The following LRRK2 variants were observed in gnomAD, a reference collection of about 807,000 sequenced individuals.
LRRK2 encodes the protein leucine-rich repeat serine/threonine-protein kinase 2.
LRRK2 carries 203 observed loss-of-function variants against 302.6 expected under a neutral mutation model. The observed-to-expected ratio is 0.67, with a 90% CI of 0.60 to 0.75. LRRK2 has a LOEUF of 0.75. LRRK2 is among the 30% of genes least tolerant of loss of function. The probability of loss-of-function intolerance (pLI) is 0.00; values close to 1 mark genes in which losing one functional copy is unlikely to be tolerated. For missense variants in LRRK2, 2,830 were observed against 2,951.0 expected, an observed-to-expected ratio of 0.96 and a Z score of 0.95; for synonymous variants, 1,066 against 1,031.9, an observed-to-expected ratio of 1.03 and a Z score of -0.63.
chr12:40,274,770 G>A, intron 15 of LRRK2, 43 bp downstream of exon 15: 12 of 1,612,672 alleles, frequency 7.4e-6, no homozygotes, highest in Non-Finnish European at 9.3e-6. Context: ...GATTTTTGTA[G>A]GGCATTAGCT....
intron 28 of LRRK2, among the ~76,000 whole-genome samples, chr12:40,307,166 A>G (rs548864554): frequency 1.8e-4 from 27 of 152,130 alleles, no homozygotes; most frequent in African/African-American, 6.5e-4. Flanking sequence ...TTTTTGAAGA[A>G]AGACATTTTT....
In LRRK2 at chr12:40,303,938, A is replaced by G; in HGVS notation, c.3591-10A>G. 6.2e-7 allele frequency: 1 copy of G among 1,613,078 alleles called. No individual in the cohort carries two copies. ...CATTTGGTTTATGTCTTTTCTGTGTATTGTTTTAGCTTGCGGTCTTTAGAT... is the reference window on the plus strand; with the variant it reads ...CATTTGGTTTATGTCTTTTCTGTGTGTTGTTTTAGCTTGCGGTCTTTAGAT... On this transcript the variant is annotated splice_polypyrimidine_tract_variant and intron_variant, in intron 26 of 50. Transcript: ENST00000298910.
intron 45 of LRRK2, 41 bp from the exon 46 acceptor site, chr12:40,356,074 A>T: frequency 1.4e-6 from 2 of 1,405,402 alleles, no homozygotes; most frequent in South Asian, 1.2e-5. Context: ...TAGTCAACAT[A>T]CATGTTCTTT....
chr12:40,305,775 T>TC lies in LRRK2; in HGVS notation c.3778-7dup. The TC allele has an allele frequency of 2.5e-6, 4 of 1,613,016 alleles. No homozygotes were observed. The highest frequency in any genetic ancestry group is 3.4e-6 in the Non-Finnish European group (4 of 1,179,494). Reference sequence around the variant, plus strand: ...CACCAACAGGTTTTGCCCTTTTTTTTCCCATTAAGATTCCTCCTGAGATTG... The same window carrying TC: ...CACCAACAGGTTTTGCCCTTTTTTTTCCCCATTAAGATTCCTCCTGAGATTG... On this transcript the variant is annotated splice_polypyrimidine_tract_variant and intron_variant, in intron 27 of 50. Transcript: ENST00000298910.
At chr12:40,320,410 C>A (rs941991700) in intron 34 of LRRK2, among the ~76,000 whole-genome samples, 7 of 151,948 alleles carry the variant, frequency 4.6e-5, no homozygotes, top group African/African-American at 7.2e-5. Flanking sequence ...TGGCTTATCA[C>A]TGTTGAAATT....
chr12:40,321,160 G>C lies in LRRK2; in HGVS notation c.5142G>C (p.Glu1714Asp). ...CAAGATTAATCAATCGATTACTTGA[G>C]ATTTCACCTTACATGCTTTCAGGGA... ...FWSRLINRLL[E>D]ISPYMLSGRE... The change falls in exon 35 of 51, where the codon GAG becomes GAC. Residue 1714 changes from glutamate to aspartate, a missense_variant. Glu to Asp is a conservative substitution (Grantham distance 45). Around this residue, in one of 3 missense-constraint regions of LRRK2, gnomAD observed 2,121 missense variants for 2,148.0 expected, o/e 0.99. Coordinates refer to ENST00000298910, the MANE Select transcript of LRRK2 (RefSeq NM_198578.4). 6.2e-7 allele frequency: 1 copy of C among 1,612,400 alleles called. No individual in the cohort carries two copies. Among genetic ancestry groups the C allele is most frequent in the East Asian group, 2.2e-5 (1 of 44,816 alleles).
intron 4 of LRRK2, among the ~76,000 whole-genome samples, chr12:40,236,492 G>A (rs1018521346): frequency 6.6e-6 from 1 of 152,190 alleles, no homozygotes; most frequent in Non-Finnish European, 1.5e-5. Context: ...GGGCATTGCT[G>A]TGCTGGACAC....
At chr12:40,340,481 T>C (rs764095066) in intron 41 of LRRK2, 27 bp downstream of exon 41, 2 of 1,612,836 alleles carry the variant, frequency 1.2e-6, no homozygotes, top group Admixed American at 3.3e-5. Flanking sequence ...GTCTCATAAT[T>C]CTATCTTCAG....
chr12:40,299,277 C>A lies in LRRK2; in HGVS notation c.3496+20C>A. The stretch of plus-strand genomic sequence containing the variant: ...TTCTTGGTAAGTGTTCTGTGTGGGT[C>A]TCCTCCTTACCAGGCCCTCTAAGTT... On this transcript the variant is annotated intron_variant, in intron 25 of 50. Coordinates refer to ENST00000298910, the MANE Select transcript of LRRK2 (RefSeq NM_198578.4). The A allele has an allele frequency of 6.2e-7, 1 of 1,612,344 alleles. No homozygotes were observed. Among genetic ancestry groups the A allele is most frequent in the Non-Finnish European group, 8.5e-7 (1 of 1,178,916 alleles).
chr12:40,354,576 A>T, intron 45 of LRRK2, 84 bp downstream of exon 45: 1 of 1,235,500 alleles, frequency 8.1e-7, no homozygotes, highest in South Asian at 1.2e-5. Flanking sequence ...TGCATCAGCA[A>T]AGATTGTTCA....
Position 40,280,812 on chromosome 12 carries a change from A to T in LRRK2, c.2241+2551A>T, listed in dbSNP as rs538387289. Reference sequence around the variant, plus strand: ...TCGGGTGCGGTGGCTCACGCCTGTAATCCCAGCACTTTGGGAGGCCGAGGT... The same window carrying T: ...TCGGGTGCGGTGGCTCACGCCTGTATTCCCAGCACTTTGGGAGGCCGAGGT... On this transcript the variant is annotated intron_variant, in intron 18 of 50. Coordinates refer to ENST00000298910, the MANE Select transcript of LRRK2 (RefSeq NM_198578.4). 3.9e-3 allele frequency among the ~76,000 whole-genome samples: 590 copies of T among 151,806 alleles called. 2 individuals carry two copies. Among genetic ancestry groups the T allele is most frequent in the Non-Finnish European group, 6.6e-3 (449 of 67,900 alleles).
At position 40,334,220 on chromosome 12, in the gene LRRK2, T is replaced by G. The variant is rs747721339; in HGVS notation, c.5758-747T>G. ...CTGTGGCTAACCAGAATTCAGTAGA[T>G]GAGTTTGACGTGGCCTGTTAGTATG... On this transcript the variant is annotated intron_variant, in intron 39 of 50. Transcript: ENST00000298910. 9.8e-5 allele frequency among the ~76,000 whole-genome samples: 15 copies of G among 152,312 alleles called. No individual in the cohort carries two copies. In the Middle Eastern group the frequency reaches 0.014, roughly 138 times the overall value.
At chr12:40,276,785 G>A (rs1339233719) in intron 16 of LRRK2, among the ~76,000 whole-genome samples, 1 of 152,040 alleles carries the variant, frequency 6.6e-6, no homozygotes, top group Non-Finnish European at 1.5e-5. Flanking sequence ...TAGATACTCA[G>A]CATCATAAGA....
chr12:40,325,698 A>G (rs7298930), intron 38 of LRRK2, among the ~76,000 whole-genome samples: 8 of 152,006 alleles, frequency 5.3e-5, no homozygotes, highest in Non-Finnish European at 1.2e-4. Flanking sequence ...TTTATATTAG[A>G]GTAATCTGGA....
Position 40,225,603 on chromosome 12 carries a change from T to C in LRRK2, c.200T>C (p.Val67Ala), listed in dbSNP as rs1165960349. The C allele has an allele frequency of 1.2e-6, 2 of 1,614,192 alleles. No individual in the cohort carries two copies. Among genetic ancestry groups the C allele is most frequent in the East Asian group, 2.2e-5 (1 of 44,868 alleles). Residue 67 changes from valine (V) to alanine (A), a missense_variant, in exon 2 of 51, where the codon GTC becomes GCC. By Grantham distance (64) the Val-to-Ala change is moderately conservative. This residue lies in a region of LRRK2 where 2,121 missense variants were observed against 2,148.0 expected (regional missense o/e 0.99). Coordinates refer to ENST00000298910, the MANE Select transcript of LRRK2 (RefSeq NM_198578.4). ...AATATCCATGTGCCTCTGTTGATCG[T>C]CTTGGACTCCTATATGAGAGTCGCG... ...GKNIHVPLLI[V>A]LDSYMRVASV... is the part of the protein sequence containing the mutation.
rs11175964 is a variant in LRRK2 at position 40,309,185 on chromosome 12, G to A, written c.4269G>A (p.Lys1423=). ...ACCTTGCTGTCTATGACCTCAGCAA[G>A]GGACAGGCTGAAGTTGATGCCATGA... ...ALYLAVYDLS[K]GQAEVDAMKP... is the part of the protein sequence containing the mutation. Residue 1423 remains lysine (K), a synonymous_variant, in exon 30 of 51, where the codon AAG becomes AAA. Coordinates refer to ENST00000298910, the MANE Select transcript of LRRK2 (RefSeq NM_198578.4). 109,762 of 1,613,646 alleles carry A rather than the reference G, an allele frequency of 0.068. 4,289 individuals carry two copies. Among genetic ancestry groups the A allele is most frequent in the Admixed American group, 0.13 (8,072 of 59,958 alleles).
At chr12:40,287,950 G>A (rs563628255) in intron 20 of LRRK2, among the ~76,000 whole-genome samples, 10 of 151,750 alleles carry the variant, frequency 6.6e-5, no homozygotes, top group Admixed American at 3.9e-4. Context: ...AACAGGAAGC[G>A]CTTAATAAAA....
intron 31 of LRRK2, among the ~76,000 whole-genome samples, chr12:40,311,202 T>G (rs532913416): frequency 6.6e-6 from 1 of 152,252 alleles, no homozygotes; most frequent in South Asian, 2.1e-4. Flanking sequence ...ACCACTAACT[T>G]GGTTTTCAGC....
At chr12:40,279,100 G>A (rs1943579264) in intron 18 of LRRK2, among the ~76,000 whole-genome samples, 1 of 150,544 alleles carries the variant, frequency 6.6e-6, no homozygotes, top group Admixed American at 6.6e-5. Context: ...GTTTATACTA[G>A]CATTCAGGTA....
Sources: gnomAD v4.1 joint callset for allele counts (sites outside exome capture counted in the v4.1 genomes callset) on GRCh38, gnomAD v4.1.1 for gene constraint, gnomAD v4.1.1 regional missense constraint, MANE v1.5 for transcripts, NCBI Gene and HGNC (gene_info 2026-07-23, HGNC 2026-07-21) for gene names.